Variants in TRERF1 observed in about 807,000 individuals in gnomAD.
TRERF1 encodes the protein transcriptional-regulating factor 1.
In TRERF1, 27 loss-of-function variants were observed where a neutral mutation model predicts 122.9. That is an observed-to-expected ratio of 0.22 (90% CI 0.16 to 0.30). The LOEUF is 0.30. Ranked by LOEUF, TRERF1 falls within the 10% of genes least tolerant of loss-of-function variation. TRERF1 has a pLI of 1.00. For synonymous variants in TRERF1, 636 were observed against 641.7 expected, an observed-to-expected ratio of 0.99 and a Z score of 0.13; for missense variants, 1,248 against 1,560.3, an observed-to-expected ratio of 0.80 and a Z score of 3.37.
Position 42,439,277 on chromosome 6 carries a change from G to A in TRERF1, c.-454+11900C>T, listed in dbSNP as rs545202825. ...CTACTGCCTACAGGGTCAGGACTAC[G>A]CTCCGTAACGTGACATCGGGTTCTC... is the stretch of plus-strand genomic sequence containing the variant. On this transcript the variant is annotated intron_variant, in intron 2 of 17. Coordinates refer to ENST00000372922, the Ensembl canonical transcript of TRERF1. Among the ~76,000 whole-genome samples, 71 of 152,148 alleles carry A rather than the reference G, an allele frequency of 4.7e-4. 1 individual carries two copies. In the South Asian group the frequency reaches 0.013, roughly 28 times the overall value.
intron 2 of TRERF1, among the ~76,000 whole-genome samples, chr6:42,386,370 G>A (rs4469286): frequency 6.6e-6 from 1 of 152,132 alleles, no homozygotes; most frequent in African/African-American, 2.4e-5. Context: ...TTGAACCCAA[G>A]AGGCAGAGGG....
intron 3 of TRERF1, among the ~76,000 whole-genome samples, chr6:42,340,602 TTTTA>T (rs1236339954): frequency 2.6e-5 from 4 of 152,116 alleles, no homozygotes; most frequent in Non-Finnish European, 5.9e-5. Flanking sequence ...CCTCAATTTA[TTTTA>T]TTTATTTATT....
intron 3 of TRERF1, among the ~76,000 whole-genome samples, chr6:42,349,753 C>T (rs1425636619): frequency 6.6e-6 from 1 of 152,188 alleles, no homozygotes; most frequent in East Asian, 1.9e-4. Flanking sequence ...CTCAGCTCTG[C>T]TTCTGCCTGT....
chr6:42,418,664 AGGTAGTTGATTAAGG>A (rs1352822430), intron 2 of TRERF1, among the ~76,000 whole-genome samples: 1 of 152,100 alleles, frequency 6.6e-6, no homozygotes, highest in Non-Finnish European at 1.5e-5. Flanking sequence ...GTGGGCTCGT[AGGTAGTTGATTAAGG>A]GCACTAACCA....
Position 42,275,094 on chromosome 6 carries a change from C to T in TRERF1, c.-258-5246G>A, listed in dbSNP as rs1038746427. Among the ~76,000 whole-genome samples the T allele has an allele frequency of 5.3e-5, 8 of 152,188 alleles. No individual in the cohort carries two copies. The highest frequency in any genetic ancestry group is 1.9e-4 in the East Asian group (1 of 5,200). ...TTATACAGATGGTAGCGTGCTACGC[C>T]GTGGTTTAGCATCTTGCCAAAAGGC... On this transcript the variant is annotated intron_variant, in intron 4 of 17. Transcript: ENST00000372922. This position sits in a 1 kb window ranked among gnomAD's most constrained non-coding sequence, Gnocchi z 4.1.
At chr6:42,262,382 G>T (rs1031300077) in intron 8 of TRERF1, among the ~76,000 whole-genome samples, 1 of 150,680 alleles carries the variant, frequency 6.6e-6, no homozygotes, top group Non-Finnish European at 1.5e-5. Context: ...ACTTTGTGGG[G>T]AGGGGGTAGG....
chr6:42,268,100 G>GC lies in TRERF1; in HGVS notation c.1437+53dup, dbSNP rs1413354980. ...GAGAGGATTGAGCACTGCAGACTCAGCCCTGACCCTGTAGCACACTGGGTA... is the reference window on the plus strand; with the variant it reads ...GAGAGGATTGAGCACTGCAGACTCAGCCCCTGACCCTGTAGCACACTGGGTA... On this transcript the variant is annotated intron_variant, in intron 5 of 17. Transcript: ENST00000372922. This position sits in a 1 kb window ranked among gnomAD's most constrained non-coding sequence, Gnocchi z 4.4. 5.7e-6 allele frequency: 8 copies of GC among 1,409,788 alleles called. No homozygotes were observed. The highest frequency in any genetic ancestry group is 7.4e-6 in the Non-Finnish European group (8 of 1,078,464). 87.3% of individuals were successfully genotyped at this position (1,409,788 alleles called of 1,614,324 possible). A position where few individuals can be genotyped will look rare whatever the true frequency, so the allele number is the denominator to read the frequency against.
Position 42,419,431 on chromosome 6 carries a change from G to A in TRERF1, c.-454+31746C>T, listed in dbSNP as rs541164989. ...GCGCATGCCTGTGGCCTGCATGTCC[G>A]AAGGCAGACCTGGACCCCACCTCCA... On this transcript the variant is annotated intron_variant, in intron 2 of 17. Coordinates refer to ENST00000372922, the Ensembl canonical transcript of TRERF1. Among the ~76,000 whole-genome samples the A allele has an allele frequency of 1.4e-4, 21 of 152,062 alleles. No individual in the cohort carries two copies. The South Asian group carries it at 3.7e-3, about 27-fold the overall frequency.
chr6:42,280,543 C>G (rs1012102408), intron 4 of TRERF1, among the ~76,000 whole-genome samples: 1 of 152,224 alleles, frequency 6.6e-6, no homozygotes, highest in African/African-American at 2.4e-5. Flanking sequence ...CAGGAAGAAG[C>G]CTCTATGCCC....
rs910729787 is a variant in TRERF1 at position 42,451,718 on chromosome 6, C to A, written c.-539+303G>T. ...CTCTCCTGATGCTGGAAACTTACTC[C>A]CAGATATAGCGCCCGCCAGCCCCCT... On this transcript the variant is annotated intron_variant, in intron 1 of 17. An upstream open reading frame in the 5' UTR gains an earlier in-frame stop. Transcript: ENST00000372922. Among the ~76,000 whole-genome samples, 3 of 151,774 alleles carry A rather than the reference C, an allele frequency of 2.0e-5. No individual in the cohort carries two copies. The highest frequency in any genetic ancestry group is 1.3e-4 in the Admixed American group (2 of 15,262).
chr6:42,402,828 T>C lies in TRERF1; in HGVS notation c.-453-39749A>G, dbSNP rs1231565008. On this transcript the variant is annotated intron_variant, in intron 2 of 17. Transcript: ENST00000372922. Reference sequence around the variant, plus strand: ...GACTAGCTGCTTTACATACCTTTTCTCATTTAATAGATCCATCTTACAGAT... The same window carrying C: ...GACTAGCTGCTTTACATACCTTTTCCCATTTAATAGATCCATCTTACAGAT... Among the ~76,000 whole-genome samples the C allele has an allele frequency of 2.0e-5, 3 of 152,152 alleles. No individual in the cohort carries two copies. In the East Asian group the frequency reaches 5.8e-4, roughly 29 times the overall value.
At chr6:42,239,206 T>C (rs1311061870) in intron 15 of TRERF1, among the ~76,000 whole-genome samples, 5 of 152,210 alleles carry the variant, frequency 3.3e-5, no homozygotes, top group Non-Finnish European at 7.4e-5. Context: ...GCTGACATCA[T>C]GGTGAGTTCT....
intron 3 of TRERF1, among the ~76,000 whole-genome samples, chr6:42,355,606 T>C (rs1770380959): frequency 6.6e-6 from 1 of 152,236 alleles, no homozygotes; most frequent in Non-Finnish European, 1.5e-5. Flanking sequence ...TTATATAACA[T>C]AGGAATTATC....
chr6:42,258,535 T>A (rs929809278), intron 9 of TRERF1, among the ~76,000 whole-genome samples: 2 of 152,260 alleles, frequency 1.3e-5, no homozygotes, highest in African/African-American at 2.4e-5. Flanking sequence ...CAAGGCTTGA[T>A]CTTGCATGTA....
chr6:42,362,319 CCA>C, intron 3 of TRERF1, among the ~76,000 whole-genome samples: 1 of 152,336 alleles, frequency 6.6e-6, no homozygotes, highest in South Asian at 2.1e-4. Context: ...GAAAACAAAA[CCA>C]CACACACCGA....
rs1249323350 is a variant in TRERF1, at chr6:42,228,704, G to C, written c.3279-35C>G. ...AAGAAAGAGAGGTGTGTAGAATTTA[G>C]AAGGAGATCTGAGTTCTTGGAAATC... On this transcript the variant is annotated intron_variant, in intron 17 of 17. Transcript: ENST00000372922. The surrounding 1 kb of genome is among the most constrained non-coding windows in gnomAD (Gnocchi z 4.2). 5.2e-6 allele frequency: 8 copies of C among 1,545,800 alleles called. No individual in the cohort carries two copies. Among genetic ancestry groups the C allele is most frequent in the Non-Finnish European group, 7.0e-6 (8 of 1,148,800 alleles).
At chr6:42,448,973 C>T (rs966968662) in intron 2 of TRERF1, among the ~76,000 whole-genome samples, 1 of 152,200 alleles carries the variant, frequency 6.6e-6, no homozygotes, top group Non-Finnish European at 1.5e-5. Flanking sequence ...TGTGACCACA[C>T]ATTTTATTAT....
intron 8 of TRERF1, among the ~76,000 whole-genome samples, chr6:42,262,057 A>AT (rs1777982494): frequency 6.6e-6 from 1 of 151,904 alleles, no homozygotes; most frequent in South Asian, 2.1e-4. Flanking sequence ...CAAGGGAACT[A>AT]TTTCCCCAAG....
intron 2 of TRERF1, among the ~76,000 whole-genome samples, chr6:42,388,224 C>CTTT (rs112638565): frequency 7.3e-6 from 1 of 136,472 alleles, no homozygotes; most frequent in Non-Finnish European, 1.6e-5. Flanking sequence ...TGATTTCTTT[C>CTTT]TTTTTTTTTT....
Sources: gnomAD v4.1 joint callset for allele counts (sites outside exome capture counted in the v4.1 genomes callset) on GRCh38, gnomAD v4.1.1 for gene constraint, Gnocchi (gnomAD v3.1) non-coding constraint, MANE v1.5 for transcripts, NCBI Gene and HGNC (gene_info 2026-07-23, HGNC 2026-07-21) for gene names.